Variants in LAMA3 observed in about 807,000 individuals in gnomAD.
LAMA3 encodes the protein laminin subunit alpha 3.
In LAMA3, 281 loss-of-function variants were observed where a neutral mutation model predicts 402.0. That is an observed-to-expected ratio of 0.70 (90% CI 0.63 to 0.77). The LOEUF (loss-of-function observed/expected upper bound fraction) is 0.77. LAMA3 is among the 30% of genes least tolerant of loss of function. LAMA3 has a pLI of 0.00. For missense variants in LAMA3, 3,840 were observed against 4,215.5 expected, an observed-to-expected ratio of 0.91 and a Z score of 2.47; for synonymous variants, 1,431 against 1,558.4, an observed-to-expected ratio of 0.92 and a Z score of 1.93.
intron 32 of LAMA3, among the ~76,000 whole-genome samples, chr18:23,855,552 A>G (rs766128137): frequency 4.6e-5 from 7 of 152,208 alleles, no homozygotes; most frequent in Non-Finnish European, 8.8e-5. Flanking sequence ...CGAGGGTCAC[A>G]AGAAGAGAGC....
At chr18:23,831,997 C>T (rs183738788) in intron 23 of LAMA3, among the ~76,000 whole-genome samples, 12 of 152,172 alleles carry the variant, frequency 7.9e-5, no homozygotes, top group African/African-American at 2.9e-4. Context: ...TTCTGTGTGC[C>T]ATCTTTTATG....
rs747974600 is a variant in LAMA3, at chr18:23,857,871, G to A, written c.4164G>A (p.Gln1388=). 3.7e-6 allele frequency: 6 copies of A among 1,614,246 alleles called. No homozygotes were observed. The East Asian group carries it at 1.1e-4, about 30-fold the overall frequency. The change falls in exon 33 of 75, where the codon CAG becomes CAA. Residue 1388 remains glutamine (Q), a synonymous_variant. Coordinates refer to ENST00000313654, the MANE Select transcript of LAMA3 (RefSeq NM_198129.4). ...GCAAGCCCAGAATCACAGGGCGGCA[G>A]TGTGACCGATGTGCTTCCGGGTTTT... ...CRCKPRITGR[Q]CDRCASGFYR...
In LAMA3 at chr18:23,815,169, T is replaced by A; in HGVS notation, c.1889-19T>A. The A allele has an allele frequency of 6.2e-7, 1 of 1,612,442 alleles. No individual in the cohort carries two copies. Among genetic ancestry groups the A allele is most frequent in the Middle Eastern group, 1.7e-4 (1 of 6,050 alleles). On this transcript the variant is annotated intron_variant, in intron 15 of 74. Coordinates refer to ENST00000313654, the MANE Select transcript of LAMA3 (RefSeq NM_198129.4). The stretch of plus-strand genomic sequence containing the variant: ...TTTTGTGTCTCCCTTAGTTCAAGGA[T>A]GCTCTCTTATCTCCACAGAATGCAA...
intron 15 of LAMA3, 21 bp downstream of exon 15, chr18:23,814,523 A>T (rs1369792410): frequency 1.4e-6 from 2 of 1,418,364 alleles, no homozygotes; most frequent in African/African-American, 2.8e-5. Flanking sequence ...TATATGTCAT[A>T]ATTTACTATA....
At chr18:23,854,285 AG>A (rs898451998) in intron 32 of LAMA3, among the ~76,000 whole-genome samples, 3 of 152,242 alleles carry the variant, frequency 2.0e-5, no homozygotes, top group African/African-American at 7.2e-5. Context: ...TGTCTGGACA[AG>A]CAGCTTCCAC....
At chr18:23,743,076 A>T (rs778466038) in intron 2 of LAMA3, among the ~76,000 whole-genome samples, 8 of 152,226 alleles carry the variant, frequency 5.3e-5, no homozygotes. Flanking sequence ...AAGACCAAAG[A>T]TGGTGCAGCC....
intron 44 of LAMA3, among the ~76,000 whole-genome samples, chr18:23,897,826 A>G (rs1028869762): frequency 6.6e-6 from 1 of 152,246 alleles, no homozygotes; most frequent in African/African-American, 2.4e-5. Context: ...GAATGCTCAT[A>G]TGTACATGAC....
chr18:23,815,213 A>G lies in LAMA3; in HGVS notation c.1914A>G (p.Thr638=). The G allele has an allele frequency of 6.2e-7, 1 of 1,614,208 alleles. No individual in the cohort carries two copies. Among genetic ancestry groups the G allele is most frequent in the Non-Finnish European group, 8.5e-7 (1 of 1,180,018 alleles). Residue 638 remains threonine, a synonymous_variant, in exon 16 of 75, where the codon ACA becomes ACG. Transcript: ENST00000313654. ...AATGCAAGTGCCATAAGGCGGGAAC[A>G]GTGAGTGGAACTGGAGAGTGTAGGC... The part of the protein sequence containing the change: ...CSECKCHKAG[T]VSGTGECRQG...
chr18:23,784,676 G>A (rs2062506189), intron 12 of LAMA3, among the ~76,000 whole-genome samples: 1 of 152,148 alleles, frequency 6.6e-6, no homozygotes, highest in Admixed American at 6.5e-5. Context: ...AAGGGTCGCT[G>A]AAGGGGGGAT....
At chr18:23,702,015 G>A (rs1040056426) in intron 1 of LAMA3, among the ~76,000 whole-genome samples, 2 of 151,746 alleles carry the variant, frequency 1.3e-5, no homozygotes, top group Non-Finnish European at 2.9e-5. Context: ...AGTGGGGAGA[G>A]AGAGAGGAGA....
chr18:23,823,925 C>T (rs2063333469), intron 20 of LAMA3, among the ~76,000 whole-genome samples: 1 of 152,090 alleles, frequency 6.6e-6, no homozygotes, highest in Admixed American at 6.5e-5. Flanking sequence ...GTAGTCCCAG[C>T]TACTTGGGAG....
chr18:23,894,841 TGTG>T, intron 43 of LAMA3, 63 bp from the exon 44 acceptor site: 1 of 1,603,720 alleles, frequency 6.2e-7, no homozygotes. Context: ...GCATAGCACT[TGTG>T]GTCTTTTCGC....
intron 11 of LAMA3, among the ~76,000 whole-genome samples, chr18:23,778,399 C>G (rs911747555): frequency 2.6e-5 from 4 of 152,114 alleles, no homozygotes; most frequent in Admixed American, 2.6e-4. Context: ...GAAACCCAAG[C>G]AAGGAAAATA....
At chr18:23,904,480 G>A (rs1172422833) in intron 50 of LAMA3, 73 bp from the exon 51 acceptor site, 1 of 1,424,922 alleles carries the variant, frequency 7.0e-7, no homozygotes, top group African/African-American at 1.4e-5. Context: ...AGAAGAAATG[G>A]AAAGGTTTGG....
chr18:23,846,362 G>A lies in LAMA3; in HGVS notation c.3785G>A (p.Gly1262Asp), dbSNP rs375350745. Residue 1262 changes from glycine (G) to aspartate (D), a missense_variant, in exon 31 of 75, where the codon GGC becomes GAC. Transcript: ENST00000313654. ...TCCCTGGTGGCCTTTTACCACAAGG[G>A]CGCCCTGCCTTGTGAGTGCCACCCC... ...ARSLVAFYHK[G>D]ALPCECHPTG... 2.5e-6 allele frequency: 4 copies of A among 1,614,222 alleles called. No individual in the cohort carries two copies. The highest frequency in any genetic ancestry group is 3.4e-6 in the Non-Finnish European group (4 of 1,180,028).
intron 6 of LAMA3, among the ~76,000 whole-genome samples, 166 bp downstream of exon 6, chr18:23,753,978 A>G (rs1242020866): frequency 1.3e-5 from 2 of 151,906 alleles, no homozygotes; most frequent in East Asian, 1.9e-4. Context: ...CCAACTCTCC[A>G]TTTTCTTTCA....
At chr18:23,954,401 TAAAA>T (rs11406615) in intron 74 of LAMA3, 98 bp from the exon 75 acceptor site, 4,066 of 675,348 alleles carry the variant, frequency 6.0e-3, no homozygotes, top group East Asian at 7.9e-3. Context: ...GGACCCTGTC[TAAAA>T]AAAAAAAAAA....
At chr18:23,871,917 GA>G (rs1175831600) in intron 38 of LAMA3, among the ~76,000 whole-genome samples, 1 of 152,124 alleles carries the variant, frequency 6.6e-6, no homozygotes, top group East Asian at 1.9e-4. Context: ...TCCAGGGTAG[GA>G]AAATAATGTA....
rs116998732 is a variant in LAMA3 at position 23,855,218 on chromosome 18, G to T, written c.4137-2626G>T. On this transcript the variant is annotated intron_variant, in intron 32 of 74. Coordinates refer to ENST00000313654, the MANE Select transcript of LAMA3 (RefSeq NM_198129.4). ...GCCCCGCATGTTTGCTAAAAGAAAC[G>T]TTCAGACCTTGGGATGCCAGTCTGC... Among the ~76,000 whole-genome samples the T allele has an allele frequency of 5.9e-5, 9 of 152,304 alleles. 2 individuals are homozygous for T. The South Asian group carries it at 1.9e-3, about 32-fold the overall frequency.
Sources: allele counts gnomAD v4.1 joint callset (sites outside exome capture counted in the v4.1 genomes callset), GRCh38; gene constraint gnomAD v4.1.1; transcripts MANE v1.5; gene names NCBI Gene and HGNC (gene_info 2026-07-23, HGNC 2026-07-21).